FAM53A: variants seen among roughly 807,000 people sequenced by gnomAD.
The protein encoded by FAM53A is protein FAM53A.
A neutral mutation model predicts 26.6 loss-of-function variants in FAM53A; 28 were observed. The ratio of observed to expected loss-of-function variants is 1.05; its 90% CI spans 0.78 to 1.45. FAM53A has a LOEUF of 1.45. Ranked by LOEUF, FAM53A falls within the 40% of genes most tolerant of loss-of-function variation. FAM53A has a pLI of 0.00. For synonymous variants in FAM53A, 290 were observed against 253.1 expected (o/e 1.15, Z -1.38); for missense variants, 650 against 575.8 (o/e 1.13, Z -1.32).
rs111248819 is a variant in FAM53A, at chr4:1,663,147, G to A, written c.75+5520C>T. Among the ~76,000 whole-genome samples the A allele has an allele frequency of 7.2e-5, 11 of 152,104 alleles. 2 individuals carry two copies. The highest frequency in any genetic ancestry group is 2.2e-4 in the African/African-American group (9 of 41,378). Reference sequence around the variant, plus strand: ...CTGGGAGGCAGAGTGAGCCGAGATCGCGCCACTGCACTCCAGCCTGGGCGA... The same window carrying A: ...CTGGGAGGCAGAGTGAGCCGAGATCACGCCACTGCACTCCAGCCTGGGCGA... On this transcript the variant is annotated intron_variant, in intron 2 of 4. Transcript: ENST00000308132.
At chr4:1,596,184 C>G in the FAM53A span, among the ~76,000 whole-genome samples, 1 of 152,226 alleles carries the variant, frequency 6.6e-6, no homozygotes, top group Non-Finnish European at 1.5e-5. Flanking sequence ...CCTCCAGGGA[C>G]CATGCATGGT....
chr4:1,655,194 C>T lies in FAM53A; in HGVS notation c.666G>A (p.Pro222=), dbSNP rs754521024. Residue 222 remains proline, a synonymous_variant, in exon 4 of 5, where the codon CCG becomes CCA. Coordinates refer to ENST00000308132, the MANE Select transcript of FAM53A (RefSeq NM_001174070.3). ...CCGCGAGTCGCTCCTGTGAGAGGGA[C>T]GGGCGGCGCCTCGTGGAGGGCAAGC... ...ESCLPSTRRR[P]SLSQERLAGA... is the part of the protein sequence containing the mutation. 33 of 1,561,146 alleles carry T rather than the reference C, an allele frequency of 2.1e-5. No individual in the cohort carries two copies. The highest frequency in any genetic ancestry group is 2.6e-5 in the Non-Finnish European group (30 of 1,161,578).
At chr4:1,627,607 C>T (rs575821551) in intron 1 of FAM53A, among the ~76,000 whole-genome samples, 2 of 152,326 alleles carry the variant, frequency 1.3e-5, no homozygotes, top group East Asian at 3.9e-4. Flanking sequence ...CCTGATCCTT[C>T]TTGTCCTCTC....
intron 4 of FAM53A, chr4:1,644,363 GC>G (rs1712045542): frequency 6.5e-7 from 1 of 1,535,180 alleles, no homozygotes. Flanking sequence ...AAAACAGCAG[GC>G]TCTGAACGCC....
Position 1,672,759 on chromosome 4 carries a change from CTTTTTTTTTTT to C in FAM53A, c.-164-3865_-164-3855del, listed in dbSNP as rs35045856. 5.7e-4 allele frequency among the ~76,000 whole-genome samples: 37 copies of C among 64,832 alleles called. 1 individual carries two copies. In the South Asian group the frequency reaches 7.1e-3, roughly 12 times the overall value. The allele number at this position is 64,832 out of a possible 152,430, so 42.5% of individuals were successfully genotyped here. On this transcript the variant is annotated intron_variant, in intron 1 of 4. Coordinates refer to ENST00000308132, the MANE Select transcript of FAM53A (RefSeq NM_001174070.3). ...ACACAAACACAGGAACCTGAATTTCCTTTTTTTTTTTTTTTTTTTTTTTTTTTTGAGGCAGA... is the reference window on the plus strand; with the variant it reads ...ACACAAACACAGGAACCTGAATTTCCTTTTTTTTTTTTTTTTTGAGGCAGA...
At chr4:1,663,733 C>T (rs1469406875) in intron 2 of FAM53A, among the ~76,000 whole-genome samples, 2 of 152,048 alleles carry the variant, frequency 1.3e-5, no homozygotes, top group East Asian at 3.9e-4. Context: ...CTTTGGGAGG[C>T]CGCATAAGGA....
At chr4:1,574,656 C>A in the FAM53A span, 12 of 152,606 alleles carry the variant, frequency 7.9e-5, no homozygotes, top group African/African-American at 2.9e-4. Context: ...GGACCCCCAG[C>A]CCCACTCTGT....
chr4:1,674,395 C>T (rs1399111246), intron 1 of FAM53A, among the ~76,000 whole-genome samples: 1 of 152,160 alleles, frequency 6.6e-6, no homozygotes, highest in African/African-American at 2.4e-5. Context: ...TCTGGCCGGG[C>T]GCGGTGGCTC....
intron 1 of FAM53A, among the ~76,000 whole-genome samples, chr4:1,675,453 C>A (rs1714978191): frequency 6.6e-6 from 1 of 152,216 alleles, no homozygotes. Context: ...AGTGGGCTCA[C>A]TTCAGAGGAC....
At chr4:1,585,512 G>A in the FAM53A span, among the ~76,000 whole-genome samples, 3 of 151,888 alleles carry the variant, frequency 2.0e-5, no homozygotes, top group African/African-American at 7.3e-5. Context: ...TCGAACTCCT[G>A]GCCTCAAATG....
intron 1 of FAM53A, among the ~76,000 whole-genome samples, chr4:1,629,611 C>A (rs1345956700): frequency 4.6e-5 from 7 of 152,212 alleles, no homozygotes; most frequent in Non-Finnish European, 1.0e-4. Context: ...CAGACAGGAG[C>A]TGCCCAGGGC....
At chr4:1,578,121 G>A in the FAM53A span, among the ~76,000 whole-genome samples, 1 of 151,536 alleles carries the variant, frequency 6.6e-6, no homozygotes, top group African/African-American at 2.4e-5. Context: ...CTGCAGTCCT[G>A]GCTGTCAACA....
chr4:1,654,882 C>T (rs1470712821), intron 4 of FAM53A, 96 bp downstream of exon 4: 1 of 1,425,722 alleles, frequency 7.0e-7, no homozygotes, highest in East Asian at 2.6e-5. Context: ...CAGCCGGATG[C>T]TAACAGCCAC....
At chr4:1,654,412 G>A (rs1372270039) in intron 4 of FAM53A, among the ~76,000 whole-genome samples, 2 of 152,244 alleles carry the variant, frequency 1.3e-5, no homozygotes, top group African/African-American at 4.8e-5. Context: ...AGAGGTGGGT[G>A]GCACTGAGAA....
intron 4 of FAM53A, among the ~76,000 whole-genome samples, chr4:1,652,323 C>T (rs908529338): frequency 6.7e-6 from 1 of 148,978 alleles, no homozygotes; most frequent in Non-Finnish European, 1.5e-5. Flanking sequence ...ACGTCACACA[C>T]ACCATACACA....
At chr4:1,593,401 T>C in the FAM53A span, among the ~76,000 whole-genome samples, 1 of 152,114 alleles carries the variant, frequency 6.6e-6, no homozygotes, top group Non-Finnish European at 1.5e-5. Flanking sequence ...GGGCCGCCCC[T>C]GACAGTCGCC....
At chr4:1,643,186 G>A (rs554464605) in intron 4 of FAM53A, among the ~76,000 whole-genome samples, 1 of 152,240 alleles carries the variant, frequency 6.6e-6, no homozygotes, top group East Asian at 1.9e-4. Flanking sequence ...ACAAATTGAC[G>A]CCAGGCATGG....
downstream of FAM53A, among the ~76,000 whole-genome samples, chr4:1,638,947 TAGAG>T (rs1203729498): frequency 6.6e-6 from 1 of 152,166 alleles, no homozygotes; most frequent in African/African-American, 2.4e-5. Context: ...GGACTCAGCG[TAGAG>T]AGTGACTGCA....
chr4:1,681,251 C>G (rs1715417151), intron 1 of FAM53A, among the ~76,000 whole-genome samples: 1 of 152,100 alleles, frequency 6.6e-6, no homozygotes, highest in African/African-American at 2.4e-5. Context: ...CACCCGCCAC[C>G]ACATCCAGCT....
Sources: gnomAD v4.1 joint callset for allele counts (sites outside exome capture counted in the v4.1 genomes callset) on GRCh38, gnomAD v4.1.1 for gene constraint, MANE v1.5 for transcripts, NCBI Gene and HGNC (gene_info 2026-07-23, HGNC 2026-07-21) for gene names.